Variants in CACNA2D3 observed in about 807,000 individuals in gnomAD.
CACNA2D3 encodes the protein calcium voltage-gated channel auxiliary subunit alpha2delta 3.
In CACNA2D3, 60 loss-of-function variants were observed where a neutral mutation model predicts 160.6. The ratio of observed to expected loss-of-function variants is 0.37; its 90% CI spans 0.30 to 0.46. The LOEUF (loss-of-function observed/expected upper bound fraction) is 0.46, where lower values mean the gene tolerates loss of function less well. Ranked by LOEUF, CACNA2D3 falls within the 20% of genes least tolerant of loss-of-function variation. The pLI, the probability that CACNA2D3 is intolerant of heterozygous loss-of-function variation, is 1.00. For synonymous variants in CACNA2D3, 558 were observed against 492.9 expected (o/e 1.13, Z -1.75); for missense variants, 1,205 against 1,365.0 (o/e 0.88, Z 1.85).
At chr3:54,752,795 A>T in intron 12 of CACNA2D3, 118 bp downstream of exon 12, 1 of 671,070 alleles carries the variant, frequency 1.5e-6, no homozygotes, top group Middle Eastern at 2.5e-4. Flanking sequence ...GGGTATATCT[A>T]AGTGATTACT....
chr3:54,650,595 C>T lies in CACNA2D3; in HGVS notation c.1167+8354C>T, dbSNP rs146666580. On this transcript the variant is annotated intron_variant, in intron 11 of 37. Transcript: ENST00000474759. ...AGCCAGGCTGGTCTTGAACTTCTGA[C>T]GTCAAGTGATCCACCTGCCTCGGCC... Among the ~76,000 whole-genome samples the T allele has an allele frequency of 7.3e-3, 1,114 of 152,252 alleles. 22 individuals carry two copies. Among genetic ancestry groups the T allele is most frequent in the African/African-American group, 0.025 (1,054 of 41,548 alleles).
At chr3:54,287,728 C>T (rs1703070675) in intron 2 of CACNA2D3, among the ~76,000 whole-genome samples, 1 of 146,614 alleles carries the variant, frequency 6.8e-6, no homozygotes, top group South Asian at 2.3e-4. Context: ...CAAACTATCT[C>T]TCAGACCACA....
chr3:54,657,277 C>A (rs759955036), intron 11 of CACNA2D3, among the ~76,000 whole-genome samples: 1 of 152,178 alleles, frequency 6.6e-6, no homozygotes, highest in Non-Finnish European at 1.5e-5. Flanking sequence ...GATGGCTTAG[C>A]TTGGGCTCAG....
intron 5 of CACNA2D3, among the ~76,000 whole-genome samples, chr3:54,541,278 G>GAAAAAAAAAAAAAAAAAAAAAAA (rs141900915): frequency 1.2e-5 from 1 of 81,734 alleles, no homozygotes; most frequent in African/African-American, 5.1e-5. Flanking sequence ...CTCCGTCTCA[G>GAAAAAAAAAAAAAAAAAAAAAAA]AAAAAAAAAA....
intron 2 of CACNA2D3, among the ~76,000 whole-genome samples, chr3:54,161,012 G>C (rs1700333652): frequency 6.6e-6 from 1 of 152,196 alleles, no homozygotes; most frequent in Non-Finnish European, 1.5e-5. Context: ...GTTTGCAGCT[G>C]TGTGGATGCC....
At chr3:54,843,162 A>G (rs1475753758) in intron 16 of CACNA2D3, among the ~76,000 whole-genome samples, 3 of 151,930 alleles carry the variant, frequency 2.0e-5, no homozygotes, top group African/African-American at 2.4e-5. Flanking sequence ...GGGTTTCACC[A>G]TGTTGGTCAG....
intron 8 of CACNA2D3, among the ~76,000 whole-genome samples, chr3:54,571,869 G>T (rs1702504583): frequency 6.6e-6 from 1 of 152,120 alleles, no homozygotes; most frequent in African/African-American, 2.4e-5. Context: ...TGTGAAGTAG[G>T]TGTGCTCACC....
chr3:55,010,120 G>A (rs770138164), intron 34 of CACNA2D3, among the ~76,000 whole-genome samples: 3 of 152,084 alleles, frequency 2.0e-5, no homozygotes, highest in Non-Finnish European at 4.4e-5. Context: ...ACAGTGACTG[G>A]AACATAAGTC....
At chr3:54,465,758 A>T (rs1270451557) in intron 4 of CACNA2D3, among the ~76,000 whole-genome samples, 1 of 152,232 alleles carries the variant, frequency 6.6e-6, no homozygotes, top group Non-Finnish European at 1.5e-5. Context: ...CTATTGTTGC[A>T]TAACTCGTTA....
At chr3:54,808,874 A>G (rs1703205396) in intron 13 of CACNA2D3, among the ~76,000 whole-genome samples, 2 of 152,166 alleles carry the variant, frequency 1.3e-5, no homozygotes, top group Admixed American at 6.5e-5. Flanking sequence ...GTTGGTGATT[A>G]CTGTAACCTC....
At chr3:54,846,353 A>G (rs1698931896) in intron 16 of CACNA2D3, 40 bp from the exon 17 acceptor site, 1 of 1,357,466 alleles carries the variant, frequency 7.4e-7, no homozygotes, top group African/African-American at 1.4e-5. Flanking sequence ...TTCACCAGGG[A>G]GCAAGCTAAT....
chr3:54,914,390 C>G (rs1700617653), intron 27 of CACNA2D3, among the ~76,000 whole-genome samples: 2 of 152,116 alleles, frequency 1.3e-5, no homozygotes, highest in South Asian at 4.1e-4. Flanking sequence ...CTGAAATTCT[C>G]CAGGCCTGGA....
At chr3:54,674,236 A>G (rs1700203063) in intron 11 of CACNA2D3, among the ~76,000 whole-genome samples, 1 of 152,170 alleles carries the variant, frequency 6.6e-6, no homozygotes, top group Admixed American at 6.5e-5. Context: ...GGGTTCCTTT[A>G]TTCTGCTGAT....
intron 2 of CACNA2D3, among the ~76,000 whole-genome samples, chr3:54,183,493 T>C (rs888567565): frequency 6.6e-6 from 1 of 152,068 alleles, no homozygotes; most frequent in African/African-American, 2.4e-5. Flanking sequence ...ACGCGCCTTT[T>C]TCCTTTCTAA....
chr3:54,807,468 T>C (rs1348180911), intron 13 of CACNA2D3, among the ~76,000 whole-genome samples: 1 of 152,146 alleles, frequency 6.6e-6, no homozygotes, highest in Non-Finnish European at 1.5e-5. Context: ...TCACCATCAC[T>C]GGCCATCAGA....
chr3:54,442,089 G>A (rs1186944625), intron 4 of CACNA2D3, among the ~76,000 whole-genome samples: 1 of 152,190 alleles, frequency 6.6e-6, no homozygotes, highest in African/African-American at 2.4e-5. Context: ...GACTATAGAT[G>A]TGTACCACCG....
At chr3:54,160,438 T>G (rs1028108800) in intron 2 of CACNA2D3, among the ~76,000 whole-genome samples, 5 of 152,098 alleles carry the variant, frequency 3.3e-5, no homozygotes, top group Non-Finnish European at 5.9e-5. Context: ...AGGCAGAGGT[T>G]GCAGTGAGCC....
At chr3:54,174,629 A>C (rs1165848294) in intron 2 of CACNA2D3, among the ~76,000 whole-genome samples, 3 of 152,080 alleles carry the variant, frequency 2.0e-5, no homozygotes, top group Non-Finnish European at 2.9e-5. Flanking sequence ...GGTTCGCGCC[A>C]TTCTCCTGCC....
chr3:54,499,140 C>A (rs1250985490), intron 4 of CACNA2D3, among the ~76,000 whole-genome samples: 2 of 151,916 alleles, frequency 1.3e-5, no homozygotes, highest in East Asian at 1.9e-4. Context: ...CAGGACCAAC[C>A]CCCAATAAAA....
Sources: allele counts gnomAD v4.1 joint callset (sites outside exome capture counted in the v4.1 genomes callset), GRCh38; gene constraint gnomAD v4.1.1; transcripts MANE v1.5; gene names NCBI Gene and HGNC (gene_info 2026-07-23, HGNC 2026-07-21).